The following ASPHD1 variants were observed in gnomAD, a reference collection of about 807,000 sequenced individuals.
The protein encoded by ASPHD1 is aspartate beta-hydroxylase domain containing 1, also known as aspartate beta-hydroxylase domain-containing protein 1.
In ASPHD1, 20 loss-of-function variants were observed where a neutral mutation model predicts 28.3. The observed-to-expected ratio is 0.71, with a 90% CI of 0.50 to 1.03. ASPHD1 has a LOEUF of 1.03. Among genes scored for constraint, ASPHD1 ranks in the 50% least tolerant of loss-of-function variants. ASPHD1 has a pLI of 0.00. For missense variants in ASPHD1, 479 were observed against 524.1 expected, an observed-to-expected ratio of 0.91 and a Z score of 0.84; for synonymous variants, 240 against 221.2, an observed-to-expected ratio of 1.08 and a Z score of -0.75.
chr16:29,911,865 G>T lies in ASPHD1; in HGVS notation c.*62+5906G>T, dbSNP rs376560193. 1.5e-5 allele frequency: 24 copies of T among 1,612,046 alleles called. No homozygotes were observed. In the African/African-American group the frequency reaches 2.8e-4, roughly 19 times the overall value. On this transcript the variant is annotated intron_variant and NMD_transcript_variant, in intron 3 of 3. Transcript: ENST00000414952. The stretch of plus-strand genomic sequence containing the variant: ...TGCGGTTGTGCAGGAGCTTCACCAC[G>T]GGCTGGCGGGGGAGAGAGGATGGAC...
In ASPHD1 at chr16:29,902,886, TTTC is replaced by T. The variant is rs1157641913; in HGVS notation, c.949+969_949+971del. 2.9e-5 allele frequency among the ~76,000 whole-genome samples: 4 copies of T among 139,714 alleles called. 2 individuals carry two copies. Among genetic ancestry groups the T allele is most frequent in the Admixed American group, 1.4e-4 (2 of 14,144 alleles). 91.7% of individuals were successfully genotyped at this position (139,714 alleles called of 152,430 possible). ...TAGCACCAAACTGAGATTTTTTCTT[TTTC>T]TTTTTTTTTTTTTTTTGAGACAGGG... On this transcript the variant is annotated intron_variant, in intron 1 of 2. Coordinates refer to ENST00000308748, the MANE Select transcript of ASPHD1 (RefSeq NM_181718.4).
chr16:29,916,025 G>A (rs1468725029), intron 3 of ASPHD1, among the ~76,000 whole-genome samples: 1 of 152,026 alleles, frequency 6.6e-6, no homozygotes, highest in Non-Finnish European at 1.5e-5. Flanking sequence ...GAAGCCAGGT[G>A]GCACCTTCAA....
intron 1 of ASPHD1, among the ~76,000 whole-genome samples, chr16:29,902,883 CTTTTTCT>C (rs1226061745): frequency 1.9e-4 from 20 of 107,562 alleles, no homozygotes; most frequent in South Asian, 1.1e-3. Context: ...GAGATTTTTT[CTTTTTCT>C]TTTTTTTTTT....
intron 3 of ASPHD1, among the ~76,000 whole-genome samples, chr16:29,917,279 A>C (rs2068826178): frequency 6.6e-6 from 1 of 152,106 alleles, no homozygotes; most frequent in Non-Finnish European, 1.5e-5. Flanking sequence ...AAATGAGCTA[A>C]ATCCCTTCAC....
intron 3 of ASPHD1, chr16:29,913,832 T>A (rs2068760133): frequency 6.6e-6 from 1 of 152,170 alleles, no homozygotes; most frequent in Non-Finnish European, 1.5e-5. Flanking sequence ...GAAGCCTCAT[T>A]GTCTTTTTTA....
At chr16:29,919,373 T>C (rs1460002087) in intron 3 of ASPHD1, 2 of 152,238 alleles carry the variant, frequency 1.3e-5, no homozygotes, top group African/African-American at 4.8e-5. Flanking sequence ...TATGGTATTA[T>C]TATGGTAACT....
chr16:29,919,031 T>C (rs894511814), intron 3 of ASPHD1, among the ~76,000 whole-genome samples: 4 of 152,308 alleles, frequency 2.6e-5, no homozygotes, highest in African/African-American at 9.6e-5. Context: ...TGACCTCAAG[T>C]GATCCACCTG....
chr16:29,911,921 C>T (rs1372767990), intron 3 of ASPHD1: 3 of 1,608,244 alleles, frequency 1.9e-6, no homozygotes, highest in African/African-American at 1.3e-5. Context: ...GAGAGGCCCC[C>T]CCAGTGAGCC....
chr16:29,902,600 C>G (rs142868700), intron 1 of ASPHD1, among the ~76,000 whole-genome samples: 1 of 151,408 alleles, frequency 6.6e-6, no homozygotes, highest in African/African-American at 2.4e-5. Flanking sequence ...CTCCACCTCC[C>G]GGGTTCATAC....
intron 3 of ASPHD1, among the ~76,000 whole-genome samples, chr16:29,917,323 T>G (rs2068827102): frequency 6.6e-6 from 1 of 152,068 alleles, no homozygotes; most frequent in South Asian, 2.1e-4. Flanking sequence ...CCATTTAGAT[T>G]AAAATACCCA....
Position 29,901,075 on chromosome 16 carries a change from AG to A in ASPHD1, c.109del (p.Ala37GlnfsTer30). The A allele has an allele frequency of 6.2e-7, 1 of 1,607,632 alleles. No individual in the cohort carries two copies. Among genetic ancestry groups the A allele is most frequent in the Non-Finnish European group, 8.5e-7 (1 of 1,177,338 alleles). ...AAGGGAAACAGTCCAGCGGGGAGCC[AG>A]GGGGCAGCCATGGAAGGGACAGGTG... ...MWKGNSPAGS[Q>X]GAAMEGTGGE... On this transcript the variant is annotated frameshift_variant, in exon 1 of 3. Transcript: ENST00000308748. LOFTEE classifies it high-confidence loss of function. The surrounding 1 kb of genome is among the most constrained non-coding windows in gnomAD (Gnocchi z 5.1).
downstream of ASPHD1, among the ~76,000 whole-genome samples, chr16:29,910,425 A>G (rs1199746887): frequency 2.0e-5 from 3 of 151,944 alleles, no homozygotes; most frequent in East Asian, 3.9e-4. Context: ...TAATAAATAA[A>G]TAAATTACTG....
At chr16:29,917,865 T>C (rs1445014583) in intron 3 of ASPHD1, among the ~76,000 whole-genome samples, 2 of 152,142 alleles carry the variant, frequency 1.3e-5, no homozygotes, top group African/African-American at 4.8e-5. Flanking sequence ...TGAAAATTGT[T>C]TGAACCTGGG....
At position 29,901,019 on chromosome 16, in the gene ASPHD1, GGAGA is replaced by G. The variant is rs369015409; in HGVS notation, c.55_58del (p.Glu19GlnfsTer47). Reference sequence around the variant, plus strand: ...TCAGCGTGGAGAGAGGACCGCGGAAGGAGAGAGAGACAGCCCAGAGTGGAATGTG... The same window carrying G: ...TCAGCGTGGAGAGAGGACCGCGGAAGGAGAGACAGCCCAGAGTGGAATGTG... On this transcript the variant is annotated frameshift_variant, in exon 1 of 3. Transcript: ENST00000308748. LOFTEE classifies it high-confidence loss of function. The surrounding 1 kb of genome is among the most constrained non-coding windows in gnomAD (Gnocchi z 5.1). 4 of 1,573,830 alleles carry G rather than the reference GGAGA, an allele frequency of 2.5e-6. No homozygotes were observed. Among genetic ancestry groups the G allele is most frequent in the African/African-American group, 2.7e-5 (2 of 74,044 alleles).
intron 3 of ASPHD1, chr16:29,911,789 C>T (rs369090723): frequency 2.5e-6 from 4 of 1,611,558 alleles, no homozygotes; most frequent in African/African-American, 1.3e-5. Flanking sequence ...AGGGTCCCGC[C>T]CAGTGCCCCG....
At position 29,901,663 on chromosome 16, in the gene ASPHD1, T is replaced by G; in HGVS notation, c.692T>G (p.Phe231Cys). 6.3e-7 allele frequency: 1 copy of G among 1,583,168 alleles called. No individual in the cohort carries two copies. Among genetic ancestry groups the G allele is most frequent in the East Asian group, 2.2e-5 (1 of 44,650 alleles). The change falls in exon 1 of 3, where the codon TTC becomes TGC. Residue 231 changes from phenylalanine (F) to cysteine (C), a missense_variant. Physicochemically the swap from Phe to Cys is radical, Grantham distance 205. Coordinates refer to ENST00000308748, the MANE Select transcript of ASPHD1 (RefSeq NM_181718.4). The surrounding 1 kb of genome is among the most constrained non-coding windows in gnomAD (Gnocchi z 5.1). Reference protein sequence around the residue: ...LRDFGAVSWDFSGTTPPPRGW... With the variant: ...LRDFGAVSWDCSGTTPPPRGW... Reference sequence around the variant, plus strand: ...GACTTCGGGGCTGTGAGCTGGGACTTCTCAGGGACTACCCCTCCGCCTCGG... The same window carrying G: ...GACTTCGGGGCTGTGAGCTGGGACTGCTCAGGGACTACCCCTCCGCCTCGG...
intron 1 of ASPHD1, among the ~76,000 whole-genome samples, 188 bp downstream of exon 1, chr16:29,902,108 G>A (rs2068557763): frequency 1.3e-5 from 2 of 152,096 alleles, no homozygotes; most frequent in Admixed American, 1.3e-4. Context: ...AAGCTTTGCC[G>A]TGGTCATTCC....
intron 3 of ASPHD1, among the ~76,000 whole-genome samples, chr16:29,916,776 G>A (rs1250885342): frequency 6.6e-6 from 1 of 152,206 alleles, no homozygotes; most frequent in African/African-American, 2.4e-5. Flanking sequence ...GGGCTTAGCT[G>A]GGTGGCCCTG....
rs2068589054 is a variant in ASPHD1, at chr16:29,905,016, A to G, written c.1063+51A>G. 19 of 1,373,774 alleles carry G rather than the reference A, an allele frequency of 1.4e-5. No homozygotes were observed. The East Asian group carries it at 4.4e-4, about 32-fold the overall frequency. 85.1% of individuals were successfully genotyped at this position (1,373,774 alleles called of 1,614,324 possible). A position where few individuals can be genotyped will look rare whatever the true frequency, so the allele number is the denominator to read the frequency against. ...GGGATGAGGGACTCAGGAGCAAAGG[A>G]GCGTTGACTAGAAGGCAGCAGAATC... On this transcript the variant is annotated intron_variant, in intron 2 of 2. Coordinates refer to ENST00000308748, the MANE Select transcript of ASPHD1 (RefSeq NM_181718.4).
Sources: allele counts gnomAD v4.1 joint callset (sites outside exome capture counted in the v4.1 genomes callset), GRCh38; gene constraint gnomAD v4.1.1; non-coding constraint Gnocchi (gnomAD v3.1); transcripts MANE v1.5; gene names NCBI Gene and HGNC (gene_info 2026-07-23, HGNC 2026-07-21).